SLURP1: variants seen among roughly 807,000 people sequenced by gnomAD.
SLURP1 encodes the protein secreted Ly-6/uPAR-related protein 1.
A neutral mutation model predicts 7.9 loss-of-function variants in SLURP1; 2 were observed. That is an observed-to-expected ratio of 0.25 (90% CI 0.10 to 0.79). The LOEUF (loss-of-function observed/expected upper bound fraction) is 0.79, where lower values mean the gene tolerates loss of function less well. Among genes scored for constraint, SLURP1 ranks in the 30% least tolerant of loss-of-function variants. The pLI is 0.69. For synonymous variants in SLURP1, 59 were observed against 54.9 expected, an observed-to-expected ratio of 1.07 and a Z score of -0.33; for missense variants, 111 against 139.8, an observed-to-expected ratio of 0.79 and a Z score of 1.04.
rs28937888 is a variant in SLURP1, at chr8:142,741,199, C to T, written c.256G>A (p.Gly86Arg). 1.2e-5 allele frequency: 19 copies of T among 1,609,868 alleles called. No homozygotes were observed. In the East Asian group the frequency reaches 2.0e-4, roughly 17 times the overall value. Reference sequence around the variant, plus strand: ...CAGCAGAAGATCAGGTGGGCGGCCCCGATGCTGTCGGGGTCGGTGGCCACA... The same window carrying T: ...CAGCAGAAGATCAGGTGGGCGGCCCTGATGCTGTCGGGGTCGGTGGCCACA... ...SCVATDPDSI[G>R]AAHLIFCCFR... The change falls in exon 3 of 3, where the codon GGG becomes AGG. Residue 86 changes from glycine (G) to arginine (R), a missense_variant. By Grantham distance (125) the Gly-to-Arg change is moderately radical. Coordinates refer to ENST00000246515, the MANE Select transcript of SLURP1 (RefSeq NM_020427.3). This position sits in a 1 kb window ranked among gnomAD's most constrained non-coding sequence, Gnocchi z 4.3.
chr8:142,742,056 C>T, intron 1 of SLURP1, 134 bp from the exon 2 acceptor site: 1 of 1,412,094 alleles, frequency 7.1e-7, no homozygotes, highest in African/African-American at 1.4e-5. Flanking sequence ...GCCTCTCTGG[C>T]AGCTTTCTCT....
Position 142,741,594 on chromosome 8 carries a change from A to G in SLURP1, c.178+209T>C, listed in dbSNP as rs1235881647. Among the ~76,000 whole-genome samples, 1 of 151,898 alleles carries G rather than the reference A, an allele frequency of 6.6e-6. No homozygotes were observed. The highest frequency in any genetic ancestry group is 1.5e-5 in the Non-Finnish European group (1 of 67,940). ...GTACCCCGGCCATTAAGCCCCACCC[A>G]CCTCCAGCGCCTGGTGCCCCAGGAC... On this transcript the variant is annotated intron_variant, in intron 2 of 2. Transcript: ENST00000246515. This position sits in a 1 kb window ranked among gnomAD's most constrained non-coding sequence, Gnocchi z 4.3.
chr8:142,741,126 G>A lies in SLURP1; in HGVS notation c.*17C>T, dbSNP rs753848486. 1.0e-5 allele frequency: 16 copies of A among 1,601,696 alleles called. No individual in the cohort carries two copies. Among genetic ancestry groups the A allele is most frequent in the Middle Eastern group, 1.7e-4 (1 of 6,040 alleles). Reference sequence around the variant, plus strand: ...AGGAGGTGCCTGAGGAGCACCTTCCGCCCTGCCGCCCTGGGTTCAGAGTTC... The same window carrying A: ...AGGAGGTGCCTGAGGAGCACCTTCCACCCTGCCGCCCTGGGTTCAGAGTTC... On this transcript the variant is annotated 3_prime_UTR_variant, in exon 3 of 3. Coordinates refer to ENST00000246515, the MANE Select transcript of SLURP1 (RefSeq NM_020427.3). The surrounding 1 kb of genome is among the most constrained non-coding windows in gnomAD (Gnocchi z 4.3).
In SLURP1 at chr8:142,740,984, G is replaced by A; in HGVS notation, c.*159C>T. The A allele has an allele frequency of 9.8e-7, 1 of 1,022,540 alleles. No individual in the cohort carries two copies. Among genetic ancestry groups the A allele is most frequent in the Non-Finnish European group, 1.5e-6 (1 of 684,504 alleles). The allele number at this position is 1,022,540 out of a possible 1,614,324, so 63.3% of individuals were successfully genotyped here. A position where few individuals can be genotyped will look rare whatever the true frequency, so the allele number is the denominator to read the frequency against. On this transcript the variant is annotated 3_prime_UTR_variant, in exon 3 of 3. Coordinates refer to ENST00000246515, the MANE Select transcript of SLURP1 (RefSeq NM_020427.3). ...GTTATGTTTTATAAGCGTGGGGTAT[G>A]GAAGGCAGAGGGCGCCCCTGGTGTG...
chr8:142,741,885 C>A lies in SLURP1; in HGVS notation c.96G>T (p.Met32Ile). The change falls in exon 2 of 3, where the codon ATG becomes ATT. Residue 32 changes from methionine to isoleucine, a missense_variant. Transcript: ENST00000246515. The surrounding 1 kb of genome is among the most constrained non-coding windows in gnomAD (Gnocchi z 4.3). The stretch of plus-strand genomic sequence containing the variant: ...TAATGGTCCTGCAGGAAGCACTGGT[C>A]ATGGGCTCCTTGCAGGTGTAGCACT... ...ALKCYTCKEPMTSASCRTITR... is the reference protein window; with the variant it reads ...ALKCYTCKEPITSASCRTITR... The A allele has an allele frequency of 6.2e-7, 1 of 1,613,144 alleles. No homozygotes were observed. The highest frequency in any genetic ancestry group is 1.1e-5 in the South Asian group (1 of 91,046).
At position 142,742,308 on chromosome 8, in the gene SLURP1, C is replaced by G. The variant is rs1170335704; in HGVS notation, c.58+20G>C. ...GACAAGCTCAGAGGCAGGGTCCCCA[C>G]CAGCCTGCGGCCCACTCACCACAGC... On this transcript the variant is annotated intron_variant, in intron 1 of 2. Transcript: ENST00000246515. 1.2e-6 allele frequency: 2 copies of G among 1,612,420 alleles called. No homozygotes were observed. Among genetic ancestry groups the G allele is most frequent in the Non-Finnish European group, 1.7e-6 (2 of 1,179,718 alleles).
rs1192161243 is a variant in SLURP1, at chr8:142,741,778, G to C, written c.178+25C>G. 6.2e-7 allele frequency: 1 copy of C among 1,607,976 alleles called. No individual in the cohort carries two copies. The highest frequency in any genetic ancestry group is 1.7e-5 in the Admixed American group (1 of 60,024). On this transcript the variant is annotated intron_variant, in intron 2 of 2. Transcript: ENST00000246515. The surrounding 1 kb of genome is among the most constrained non-coding windows in gnomAD (Gnocchi z 4.3). Reference sequence around the variant, plus strand: ...GGTGGCCCTGACTCCAGTGCACCCAGGGCTGCCGTGGGGCCTGGCCTCACC... The same window carrying C: ...GGTGGCCCTGACTCCAGTGCACCCACGGCTGCCGTGGGGCCTGGCCTCACC...
rs1364920863 is a variant in SLURP1, at chr8:142,741,118, C to T, written c.*25G>A. 2 of 1,600,806 alleles carry T rather than the reference C, an allele frequency of 1.2e-6. No homozygotes were observed. Among genetic ancestry groups the T allele is most frequent in the East Asian group, 4.5e-5 (2 of 44,874 alleles). On this transcript the variant is annotated 3_prime_UTR_variant, in exon 3 of 3. Transcript: ENST00000246515. The surrounding 1 kb of genome is among the most constrained non-coding windows in gnomAD (Gnocchi z 4.3). ...CGTCAGAGAGGAGGTGCCTGAGGAG[C>T]ACCTTCCGCCCTGCCGCCCTGGGTT...
In SLURP1 at chr8:142,742,314, T is replaced by C. The variant is rs1201570210; in HGVS notation, c.58+14A>G. The stretch of plus-strand genomic sequence containing the variant: ...CTCAGAGGCAGGGTCCCCACCAGCC[T>C]GCGGCCCACTCACCACAGCCCATGC... On this transcript the variant is annotated intron_variant, in intron 1 of 2. Transcript: ENST00000246515. The C allele has an allele frequency of 6.2e-7, 1 of 1,612,702 alleles. No individual in the cohort carries two copies. The highest frequency in any genetic ancestry group is 1.7e-5 in the Admixed American group (1 of 60,016).
intron 1 of SLURP1, 83 bp from the exon 2 acceptor site, chr8:142,742,005 C>G: frequency 6.3e-7 from 1 of 1,587,394 alleles, no homozygotes; most frequent in East Asian, 2.3e-5. Context: ...CTGAAGGAGT[C>G]TCGCTGACAT....
rs990452987 is a variant in SLURP1, at chr8:142,742,074, C to T, written c.59-152G>A. On this transcript the variant is annotated intron_variant, in intron 1 of 2. Coordinates refer to ENST00000246515, the MANE Select transcript of SLURP1 (RefSeq NM_020427.3). ...TCTCTGGCAGCTTTCTCTAACTGAG[C>T]TGAGCCACAGACTTGAATGCTGCAT... The T allele has an allele frequency of 1.6e-5, 21 of 1,315,442 alleles. No homozygotes were observed. In the African/African-American group the frequency reaches 2.8e-4, roughly 17 times the overall value. The allele number at this position is 1,315,442 out of a possible 1,614,324, so 81.5% of individuals were successfully genotyped here.
rs1815871900 is a variant in SLURP1 at position 142,741,751 on chromosome 8, GA to G, written c.178+51del. 1 of 1,602,282 alleles carries G rather than the reference GA, an allele frequency of 6.2e-7. No homozygotes were observed. Among genetic ancestry groups the G allele is most frequent in the South Asian group, 1.1e-5 (1 of 90,988 alleles). On this transcript the variant is annotated intron_variant, in intron 2 of 2. Coordinates refer to ENST00000246515, the MANE Select transcript of SLURP1 (RefSeq NM_020427.3). This position sits in a 1 kb window ranked among gnomAD's most constrained non-coding sequence, Gnocchi z 4.3. ...CAGCAAAGGAGGGAGGCACTTGGGG[GA>G]GGTGGCCCTGACTCCAGTGCACCCA...
At position 142,742,356 on chromosome 8, in the gene SLURP1, C is replaced by T. The variant is rs1815885461; in HGVS notation, c.30G>A (p.Leu10=). 1 of 1,613,026 alleles carries T rather than the reference C, an allele frequency of 6.2e-7. No individual in the cohort carries two copies. Among genetic ancestry groups the T allele is most frequent in the African/African-American group, 1.3e-5 (1 of 75,086 alleles). MASRWAVQL[L]LVAAWSMGCG... ...AGCCCATGCTCCAGGCTGCCACGAG[C>T]AGCAGCTGCACAGCCCAGCGAGAGG... The change falls in exon 1 of 3, where the codon CTG becomes CTA. Residue 10 remains leucine (L), a synonymous_variant. Coordinates refer to ENST00000246515, the MANE Select transcript of SLURP1 (RefSeq NM_020427.3).
chr8:142,742,032 C>T, intron 1 of SLURP1, 110 bp from the exon 2 acceptor site: 1 of 1,539,388 alleles, frequency 6.5e-7, no homozygotes, highest in Non-Finnish European at 8.8e-7. Context: ...AGGCCCCGGG[C>T]AGCCCTTCAA....
chr8:142,741,956 T>G lies in SLURP1; in HGVS notation c.59-34A>C. ...GGGATGGGGGCAGAACCTCATCACC[T>G]GACCTCGGTGGCCTCATCCTGGAAC... On this transcript the variant is annotated intron_variant, in intron 1 of 2. Transcript: ENST00000246515. This position sits in a 1 kb window ranked among gnomAD's most constrained non-coding sequence, Gnocchi z 4.3. The G allele has an allele frequency of 6.2e-7, 1 of 1,607,418 alleles. No homozygotes were observed. Among genetic ancestry groups the G allele is most frequent in the Non-Finnish European group, 8.5e-7 (1 of 1,179,766 alleles).
Position 142,740,962 on chromosome 8 carries a change from A to G in SLURP1, c.*181T>C. 1 of 817,706 alleles carries G rather than the reference A, an allele frequency of 1.2e-6. No individual in the cohort carries two copies. The highest frequency in any genetic ancestry group is 1.6e-5 in the South Asian group (1 of 62,070). 50.7% of individuals were successfully genotyped at this position (817,706 alleles called of 1,614,324 possible). A position where few individuals can be genotyped will look rare whatever the true frequency, so the allele number is the denominator to read the frequency against. ...AGTCATGTCCACTCTTGGCTTAGTT[A>G]TGTTTTATAAGCGTGGGGTATGGAA... On this transcript the variant is annotated 3_prime_UTR_variant, in exon 3 of 3. Transcript: ENST00000246515.
Position 142,741,236 on chromosome 8 carries a change from G to A in SLURP1, c.219C>T (p.Cys73=). 6.2e-7 allele frequency: 1 copy of A among 1,609,436 alleles called. No individual in the cohort carries two copies. The highest frequency in any genetic ancestry group is 8.5e-7 in the Non-Finnish European group (1 of 1,179,464). The change falls in exon 3 of 3, where the codon TGC becomes TGT. Residue 73 remains cysteine, a synonymous_variant. Coordinates refer to ENST00000246515, the MANE Select transcript of SLURP1 (RefSeq NM_020427.3). This position sits in a 1 kb window ranked among gnomAD's most constrained non-coding sequence, Gnocchi z 4.3. ...FNQSPVVTRS[C]SSSCVATDPD... ...GGTCGGTGGCCACACAGGAGCTGGA[G>A]CAGGAGCGGGTCACCACGGGGCTCT... is the stretch of plus-strand genomic sequence containing the variant.
chr8:142,741,914 G>A lies in SLURP1; in HGVS notation c.67C>T (p.Leu23Phe). 1 of 1,612,414 alleles carries A rather than the reference G, an allele frequency of 6.2e-7. No individual in the cohort carries two copies. The highest frequency in any genetic ancestry group is 1.1e-5 in the South Asian group (1 of 91,078). ...AAWSMGCGEA[L>F]KCYTCKEPMT... The stretch of plus-strand genomic sequence containing the variant: ...GGCTCCTTGCAGGTGTAGCACTTGA[G>A]GGCCTCACCTGGGTGAGGGATGGGG... The change falls in exon 2 of 3, where the codon CTC becomes TTC. Residue 23 changes from leucine (L) to phenylalanine (F), a missense_variant. Coordinates refer to ENST00000246515, the MANE Select transcript of SLURP1 (RefSeq NM_020427.3). This position sits in a 1 kb window ranked among gnomAD's most constrained non-coding sequence, Gnocchi z 4.3.
At position 142,741,319 on chromosome 8, in the gene SLURP1, G is replaced by A. The variant is rs1010776703; in HGVS notation, c.179-43C>T. ...GTCAGAACCCTCACTCCCCTGCAGC[G>A]CCTGCCTGCTGCTGCACTGCTCCCA... On this transcript the variant is annotated intron_variant, in intron 2 of 2. Coordinates refer to ENST00000246515, the MANE Select transcript of SLURP1 (RefSeq NM_020427.3). This position sits in a 1 kb window ranked among gnomAD's most constrained non-coding sequence, Gnocchi z 4.3. The A allele has an allele frequency of 7.1e-6, 11 of 1,543,808 alleles. No homozygotes were observed. Among genetic ancestry groups the A allele is most frequent in the South Asian group, 1.2e-5 (1 of 84,772 alleles).
Sources: gnomAD v4.1 joint callset for allele counts (sites outside exome capture counted in the v4.1 genomes callset) on GRCh38, gnomAD v4.1.1 for gene constraint, Gnocchi (gnomAD v3.1) non-coding constraint, MANE v1.5 for transcripts, NCBI Gene and HGNC (gene_info 2026-07-23, HGNC 2026-07-21) for gene names.